Variants in STK35 observed in about 807,000 individuals in gnomAD.
STK35 encodes the protein serine/threonine kinase 35, also known as serine/threonine-protein kinase 35.
STK35 carries 17 observed loss-of-function variants against 37.3 expected under a neutral mutation model. That is an observed-to-expected ratio of 0.46 (90% CI 0.31 to 0.68). STK35 has a LOEUF of 0.68. STK35 is among the 30% of genes least tolerant of loss of function. The pLI, the probability that STK35 is intolerant of heterozygous loss-of-function variation, is 0.05. For synonymous variants in STK35, 385 were observed against 319.1 expected (o/e 1.21, Z -2.20); for missense variants, 595 against 746.7 (o/e 0.80, Z 2.37).
chr20:2,120,105 A>G (rs1235366158), intron 3 of STK35, among the ~76,000 whole-genome samples: 2 of 152,152 alleles, frequency 1.3e-5, no homozygotes, highest in Non-Finnish European at 2.9e-5. Flanking sequence ...TCCCATTTCC[A>G]TCTCATGCTT....
rs183251970 is a variant in STK35, at chr20:2,114,617, A to G, written c.893-2049A>G. Among the ~76,000 whole-genome samples the G allele has an allele frequency of 3.9e-3, 591 of 152,280 alleles. 5 individuals are homozygous for G. The highest frequency in any genetic ancestry group is 0.024 in the Middle Eastern group (7 of 294). ...CTCCTGAGTCTAGCTCCTTCCTCAG[A>G]GCAGCTCCTCAGTCCGAAGGTCCAG... On this transcript the variant is annotated intron_variant, in intron 2 of 3. Transcript: ENST00000381482.
intron 3 of STK35, among the ~76,000 whole-genome samples, chr20:2,141,825 A>T (rs1986176826): frequency 6.6e-6 from 1 of 152,154 alleles, no homozygotes; most frequent in Non-Finnish European, 1.5e-5. Context: ...TCATGCAATG[A>T]TCTCATTTCC....
At chr20:2,113,738 T>C (rs1449344665) in intron 2 of STK35, among the ~76,000 whole-genome samples, 1 of 152,234 alleles carries the variant, frequency 6.6e-6, no homozygotes, top group African/African-American at 2.4e-5. Context: ...ATGTTAGTGA[T>C]GGTCAGTGGT....
chr20:2,109,988 G>A (rs1985588028), intron 2 of STK35, among the ~76,000 whole-genome samples: 1 of 152,262 alleles, frequency 6.6e-6, no homozygotes, highest in South Asian at 2.1e-4. Context: ...AACAGAACAA[G>A]TCTGTTAATC....
rs552513070 is a variant in STK35 at position 2,123,800 on chromosome 20, C to G, written c.*37+6385C>G. Among the ~76,000 whole-genome samples the G allele has an allele frequency of 5.3e-5, 8 of 152,292 alleles. 1 individual carries two copies. In the South Asian group the frequency reaches 1.7e-3, roughly 32 times the overall value. On this transcript the variant is annotated intron_variant, in intron 3 of 3. Transcript: ENST00000381482. ...CACTCTATGACTTCCTGGCCCAGCTCTCAGGATGGCCAGGAACTAGCTCCT... is the reference window on the plus strand; with the variant it reads ...CACTCTATGACTTCCTGGCCCAGCTGTCAGGATGGCCAGGAACTAGCTCCT...
At chr20:2,109,939 C>G (rs1242987056) in intron 2 of STK35, among the ~76,000 whole-genome samples, 1 of 152,386 alleles carries the variant, frequency 6.6e-6, no homozygotes, top group East Asian at 1.9e-4. Flanking sequence ...TGGGTTTACT[C>G]TTGTCCTCTT....
intron 2 of STK35, 74 bp downstream of exon 2, chr20:2,103,439 G>C (rs1316463146): frequency 3.5e-6 from 5 of 1,431,696 alleles, no homozygotes; most frequent in Non-Finnish European, 4.7e-6. Flanking sequence ...GGCCCACACT[G>C]TTCCTGGCCT....
chr20:2,109,063 G>A (rs915115474), intron 2 of STK35, among the ~76,000 whole-genome samples: 2 of 152,190 alleles, frequency 1.3e-5, no homozygotes, highest in African/African-American at 4.8e-5. Context: ...ACCTAGGTGT[G>A]CATGTGGTAT....
intron 3 of STK35, among the ~76,000 whole-genome samples, chr20:2,129,167 C>T (rs1985956377): frequency 6.6e-6 from 1 of 152,158 alleles, no homozygotes; most frequent in South Asian, 2.1e-4. Context: ...GACTAGCAAA[C>T]TTCGTTTTTC....
At chr20:2,124,918 T>C (rs945739493) in intron 3 of STK35, among the ~76,000 whole-genome samples, 4 of 152,172 alleles carry the variant, frequency 2.6e-5, no homozygotes, top group Non-Finnish European at 5.9e-5. Context: ...ATCTCTTGAT[T>C]GTTTCTGCCG....
chr20:2,148,542 T>C lies in STK35; in HGVS notation c.*4796T>C, dbSNP rs764115425. ...ATTTGATGGGGTCAAAGAAGCCATATGTGATTTGAAAAAGAGTGTTTTGTG... is the reference window on the plus strand; with the variant it reads ...ATTTGATGGGGTCAAAGAAGCCATACGTGATTTGAAAAAGAGTGTTTTGTG... On this transcript the variant is annotated 3_prime_UTR_variant, in exon 4 of 4. Coordinates refer to ENST00000381482, the MANE Select transcript of STK35 (RefSeq NM_080836.4). The C allele has an allele frequency of 6.6e-6, 1 of 152,620 alleles. No individual in the cohort carries two copies. Among genetic ancestry groups the C allele is most frequent in the Non-Finnish European group, 1.5e-5 (1 of 68,046 alleles). 9.5% of individuals were successfully genotyped at this position (152,620 alleles called of 1,614,324 possible).
chr20:2,129,303 G>T (rs564982388), intron 3 of STK35, among the ~76,000 whole-genome samples: 13 of 152,132 alleles, frequency 8.5e-5, no homozygotes, highest in Middle Eastern at 3.2e-3. Flanking sequence ...CCTTCGTAAA[G>T]GGGGGTTGCT....
rs763228378 is a variant in STK35, at chr20:2,117,285, G to A, written c.1512G>A (p.Gln504=). Residue 504 remains glutamine, a synonymous_variant, in exon 3 of 4, where the codon CAG becomes CAA. Transcript: ENST00000381482. This position sits in a 1 kb window ranked among gnomAD's most constrained non-coding sequence, Gnocchi z 4.4. ...RRTSMSEGIK[Q]LLKDMLAANP... is the part of the protein sequence containing the mutation. ...CTTCCATGTCTGAGGGGATCAAGCA[G>A]CTCTTGAAAGATATGTTAGCTGCTA... The A allele has an allele frequency of 7.4e-6, 12 of 1,614,176 alleles. No homozygotes were observed. The South Asian group carries it at 1.3e-4, about 18-fold the overall frequency.
chr20:2,108,855 T>C (rs1410277986), intron 2 of STK35, among the ~76,000 whole-genome samples: 2 of 152,198 alleles, frequency 1.3e-5, no homozygotes, highest in African/African-American at 2.4e-5. Context: ...TCTGCTCATA[T>C]TCACCTCAAA....
At chr20:2,131,203 C>T (rs1048490966) in intron 3 of STK35, among the ~76,000 whole-genome samples, 4 of 152,206 alleles carry the variant, frequency 2.6e-5, no homozygotes, top group African/African-American at 9.6e-5. Flanking sequence ...TCCTAGACTG[C>T]AAACCTGTAC....
Position 2,102,866 on chromosome 20 carries a change from C to T in STK35, c.393C>T (p.Pro131=), listed in dbSNP as rs752522035. ...CGCCGTTGCTGCTCCCCCCGCCGCCCGCAGCCATGGAAACGGGGAAGGACG... is the reference window on the plus strand; with the variant it reads ...CGCCGTTGCTGCTCCCCCCGCCGCCTGCAGCCATGGAAACGGGGAAGGACG... ...RAAPLLLPPP[P]AAMETGKDGA... Residue 131 remains proline, a synonymous_variant, in exon 2 of 4, where the codon CCC becomes CCT. Coordinates refer to ENST00000381482, the MANE Select transcript of STK35 (RefSeq NM_080836.4). The T allele has an allele frequency of 7.2e-5, 113 of 1,559,824 alleles. No homozygotes were observed. Among genetic ancestry groups the T allele is most frequent in the Middle Eastern group, 1.8e-4 (1 of 5,602 alleles).
chr20:2,142,430 G>A (rs967377039), intron 3 of STK35, among the ~76,000 whole-genome samples: 18 of 152,298 alleles, frequency 1.2e-4, no homozygotes, highest in African/African-American at 3.6e-4. Flanking sequence ...TGGCAGCCAC[G>A]GTGCTGGCTC....
chr20:2,103,861 T>C (rs1418436547), intron 2 of STK35, among the ~76,000 whole-genome samples: 2 of 152,164 alleles, frequency 1.3e-5, no homozygotes, highest in Non-Finnish European at 2.9e-5. Context: ...CCCAAACTCC[T>C]GTGGCTTCCT....
intron 2 of STK35, among the ~76,000 whole-genome samples, chr20:2,112,710 C>T (rs1258458647): frequency 6.6e-6 from 1 of 152,186 alleles, no homozygotes; most frequent in Non-Finnish European, 1.5e-5. Context: ...AAAATAGTAC[C>T]TGGAACCCAG....
Sources: gnomAD v4.1 joint callset for allele counts (sites outside exome capture counted in the v4.1 genomes callset) on GRCh38, gnomAD v4.1.1 for gene constraint, Gnocchi (gnomAD v3.1) non-coding constraint, MANE v1.5 for transcripts, NCBI Gene and HGNC (gene_info 2026-07-23, HGNC 2026-07-21) for gene names.